CUBN: variants seen among roughly 807,000 people sequenced by gnomAD.
CUBN encodes the protein 460 kDa receptor.
A neutral mutation model predicts 405.3 loss-of-function variants in CUBN; 282 were observed. The observed-to-expected ratio is 0.70, with a 90% CI of 0.63 to 0.77. The LOEUF (loss-of-function observed/expected upper bound fraction) is 0.77. CUBN is among the 30% of genes least tolerant of loss of function. The probability of loss-of-function intolerance (pLI) is 0.00; values close to 1 mark genes in which losing one functional copy is unlikely to be tolerated. For synonymous variants in CUBN, 1,684 were observed against 1,617.0 expected, an observed-to-expected ratio of 1.04 and a Z score of -0.99; for missense variants, 4,514 against 4,475.2, an observed-to-expected ratio of 1.01 and a Z score of -0.25.
chr10:16,963,182 C>CTTTTTTTTTTT (rs1176337605), intron 31 of CUBN, among the ~76,000 whole-genome samples: 1 of 90,948 alleles, frequency 1.1e-5, no homozygotes, highest in African/African-American at 4.3e-5. Flanking sequence ...TTTTTCTTTT[C>CTTTTTTTTTTT]TTTTCTTTTT....
chr10:17,008,231 C>T (rs1428456395), intron 28 of CUBN, among the ~76,000 whole-genome samples: 2 of 102,176 alleles, frequency 2.0e-5, no homozygotes, highest in Admixed American at 1.0e-4. Context: ...AGTCCCTGCC[C>T]GTGTGTGGTG....
At chr10:17,064,035 C>A (rs1835558121) in intron 22 of CUBN, among the ~76,000 whole-genome samples, 1 of 152,126 alleles carries the variant, frequency 6.6e-6, no homozygotes, top group East Asian at 1.9e-4. Flanking sequence ...CTTAAGAAAC[C>A]AATTTTGGTC....
chr10:17,051,190 T>C (rs12262108), intron 22 of CUBN, among the ~76,000 whole-genome samples: 7,899 of 151,816 alleles, frequency 0.052, 698 homozygotes, highest in African/African-American at 0.18. Flanking sequence ...TGAAACACCA[T>C]CTCTACTAAA....
Position 17,045,153 on chromosome 10 carries a change from A to G in CUBN, c.3526T>C (p.Phe1176Leu), listed in dbSNP as rs1456626138. 1.3e-5 allele frequency: 21 copies of G among 1,613,732 alleles called. No homozygotes were observed. The highest frequency in any genetic ancestry group is 1.7e-5 in the Non-Finnish European group (20 of 1,179,930). Residue 1176 changes from phenylalanine (F) to leucine (L), a missense_variant, in exon 25 of 67, where the codon TTC (phenylalanine) becomes CTC (leucine). Coordinates refer to ENST00000377833, the MANE Select transcript of CUBN (RefSeq NM_001081.4). ...GGCATCGGGTAGTTGGGAGATATGA[A>G]CGTGCCGCTTGAAGTGGTGAGATTA... ...GGNLTTSSGT[F>L]ISPNYPMPYY... is the part of the protein sequence containing the mutation.
intron 27 of CUBN, among the ~76,000 whole-genome samples, chr10:17,037,564 T>C (rs985099542): frequency 1.3e-5 from 2 of 152,218 alleles, no homozygotes; most frequent in Non-Finnish European, 2.9e-5. Context: ...TCCAACCTAC[T>C]TGGGCCTAGC....
At chr10:16,966,343 T>C (rs1843390810) in intron 31 of CUBN, among the ~76,000 whole-genome samples, 1 of 152,184 alleles carries the variant, frequency 6.6e-6, no homozygotes. Flanking sequence ...ATAAACTTGA[T>C]TCTATTCCTG....
Position 16,940,263 on chromosome 10 carries a change from A to G in CUBN, c.5343-26T>C, listed in dbSNP as rs756860154. ...CTGATTTGGGGAAAAAAATATTTAAAGGGATTAAATTGAGAGAATAGACTT... is the reference window on the plus strand; with the variant it reads ...CTGATTTGGGGAAAAAAATATTTAAGGGGATTAAATTGAGAGAATAGACTT... On this transcript the variant is annotated intron_variant, in intron 36 of 66. Coordinates refer to ENST00000377833, the MANE Select transcript of CUBN (RefSeq NM_001081.4). 2.4e-5 allele frequency: 39 copies of G among 1,592,726 alleles called. No individual in the cohort carries two copies. In the East Asian group the frequency reaches 8.3e-4, roughly 34 times the overall value.
chr10:16,909,258 T>C (rs1841653543), intron 48 of CUBN, among the ~76,000 whole-genome samples: 1 of 152,180 alleles, frequency 6.6e-6, no homozygotes, highest in African/African-American at 2.4e-5. Flanking sequence ...TAAAGTGTCT[T>C]CTGGCTCACT....
chr10:17,043,789 C>T (rs775901007), intron 26 of CUBN, 38 bp downstream of exon 26: 5 of 1,583,704 alleles, frequency 3.2e-6, no homozygotes, highest in Non-Finnish European at 4.3e-6. Context: ...ACTTACTCTG[C>T]CAGTATACAC....
chr10:16,854,880 G>C (rs902139835), intron 59 of CUBN, among the ~76,000 whole-genome samples: 1 of 151,786 alleles, frequency 6.6e-6, no homozygotes, highest in African/African-American at 2.4e-5. Flanking sequence ...CATGGATTGA[G>C]TGGTAAATTG....
At chr10:17,066,931 C>G (rs899834549) in intron 21 of CUBN, among the ~76,000 whole-genome samples, 1 of 152,032 alleles carries the variant, frequency 6.6e-6, no homozygotes, top group African/African-American at 2.4e-5. Flanking sequence ...CACTGGATAT[C>G]AAGCAATGTA....
intron 17 of CUBN, among the ~76,000 whole-genome samples, chr10:17,082,711 T>C (rs1408813807): frequency 6.6e-6 from 1 of 152,202 alleles, no homozygotes; most frequent in Non-Finnish European, 1.5e-5. Flanking sequence ...GAGACACCTC[T>C]TGTAGTCAAC....
At chr10:16,862,245 C>T (rs1040181386) in intron 59 of CUBN, among the ~76,000 whole-genome samples, 1 of 151,752 alleles carries the variant, frequency 6.6e-6, no homozygotes, top group African/African-American at 2.4e-5. Context: ...TGAAGGCTTA[C>T]TAAGAAAATC....
At position 17,023,089 on chromosome 10, in the gene CUBN, A is replaced by G. The variant is rs117231461; in HGVS notation, c.4018-3106T>C. Among the ~76,000 whole-genome samples the G allele has an allele frequency of 1.4e-3, 211 of 151,050 alleles. 5 individuals are homozygous for G. In the East Asian group the frequency reaches 0.04, roughly 29 times the overall value. ...GAAATGTGGCATTTTCACGTGACTT[A>G]AAGAGATTTCTTTTTTTTCCTTCCT... On this transcript the variant is annotated intron_variant, in intron 27 of 66. Transcript: ENST00000377833.
chr10:17,060,341 G>C (rs573771261), intron 22 of CUBN, among the ~76,000 whole-genome samples: 3 of 151,600 alleles, frequency 2.0e-5, no homozygotes, highest in Non-Finnish European at 4.4e-5. Flanking sequence ...GGCTGGTCTC[G>C]AACTCCCGAT....
intron 22 of CUBN, among the ~76,000 whole-genome samples, chr10:17,060,771 C>A (rs1260338760): frequency 6.6e-6 from 1 of 152,120 alleles, no homozygotes; most frequent in African/African-American, 2.4e-5. Flanking sequence ...CAAATTATGG[C>A]TGGGTGCGGT....
intron 40 of CUBN, among the ~76,000 whole-genome samples, chr10:16,930,493 C>T (rs1051207192): frequency 6.6e-6 from 1 of 152,174 alleles, no homozygotes; most frequent in Non-Finnish European, 1.5e-5. Context: ...AATGATTTAT[C>T]TAAGGTCATG....
Position 17,036,958 on chromosome 10 carries a change from G to T in CUBN, c.4017+4075C>A, listed in dbSNP as rs562716310. Among the ~76,000 whole-genome samples, 9 of 152,286 alleles carry T rather than the reference G, an allele frequency of 5.9e-5. No homozygotes were observed. In the South Asian group the frequency reaches 1.9e-3, roughly 32 times the overall value. On this transcript the variant is annotated intron_variant, in intron 27 of 66. Transcript: ENST00000377833. ...CGGTGTGGAGTTACAGTGCCTGCTA[G>T]AAAGCCGGCCTTGACACTTATAATC...
In CUBN at chr10:16,937,707, A is replaced by G; in HGVS notation, c.5811T>C (p.Thr1937=). Residue 1937 remains threonine (T), a synonymous_variant, in exon 39 of 67, where the codon ACT becomes ACC. Transcript: ENST00000377833. The part of the protein sequence containing the change: ...CGTQTESFSS[T]GNSLTFHFYS... ...AAAAATGAAATGTCAAAGAATTTCC[A>G]GTGGAGCTGAAAGATTCAGTCTGGG... The G allele has an allele frequency of 6.2e-7, 1 of 1,614,178 alleles. No individual in the cohort carries two copies. Among genetic ancestry groups the G allele is most frequent in the Non-Finnish European group, 8.5e-7 (1 of 1,180,012 alleles).
Sources: gnomAD v4.1 joint callset for allele counts (sites outside exome capture counted in the v4.1 genomes callset) on GRCh38, gnomAD v4.1.1 for gene constraint, MANE v1.5 for transcripts, NCBI Gene and HGNC (gene_info 2026-07-23, HGNC 2026-07-21) for gene names.